Variants in PLEKHA3 observed in about 807,000 individuals in gnomAD.
PLEKHA3 encodes pleckstrin homology domain containing A3, also known as pleckstrin homology domain-containing family A member 3.
PLEKHA3 carries 19 observed loss-of-function variants against 39.2 expected under a neutral mutation model. The observed-to-expected ratio is 0.48, with a 90% CI of 0.34 to 0.71. The LOEUF is 0.71. PLEKHA3 is among the 30% of genes least tolerant of loss of function. The pLI is 0.01. For synonymous variants in PLEKHA3, 97 were observed against 118.6 expected (o/e 0.82, Z 1.18); for missense variants, 253 against 359.5 (o/e 0.70, Z 2.40).
intron 2 of PLEKHA3, among the ~76,000 whole-genome samples, chr2:178,486,047 T>C (rs1488912610): frequency 6.6e-6 from 1 of 152,240 alleles, no homozygotes; most frequent in Non-Finnish European, 1.5e-5. Context: ...CCACCTTCAG[T>C]CTATAAGCAT....
chr2:178,492,569 A>C (rs921431917), intron 3 of PLEKHA3, among the ~76,000 whole-genome samples: 6 of 151,758 alleles, frequency 4.0e-5, no homozygotes, highest in African/African-American at 1.5e-4. Context: ...ACATGTATAC[A>C]TATGTAACTA....
chr2:178,486,778 G>A (rs1271954773), intron 2 of PLEKHA3, among the ~76,000 whole-genome samples: 1 of 152,106 alleles, frequency 6.6e-6, no homozygotes, highest in African/African-American at 2.4e-5. Flanking sequence ...AGTACTGAAG[G>A]ATTTTTGGGT....
rs931822145 is a variant in PLEKHA3 at position 178,514,559 on chromosome 2, A to G, written c.*10672A>G. ...AACATAGCCTGTCATGTCTTTATTTAGGCTAAGTGCATATGTATGTATAAG... is the reference window on the plus strand; with the variant it reads ...AACATAGCCTGTCATGTCTTTATTTGGGCTAAGTGCATATGTATGTATAAG... On this transcript the variant is annotated 3_prime_UTR_variant, in exon 8 of 8. Transcript: ENST00000234453. 2.6e-5 allele frequency: 4 copies of G among 152,142 alleles called. No individual in the cohort carries two copies. The highest frequency in any genetic ancestry group is 9.7e-5 in the African/African-American group (4 of 41,438). 9.4% of individuals were successfully genotyped at this position (152,142 alleles called of 1,614,324 possible).
At chr2:178,492,850 G>A (rs965799743) in intron 3 of PLEKHA3, among the ~76,000 whole-genome samples, 1 of 152,118 alleles carries the variant, frequency 6.6e-6, no homozygotes, top group African/African-American at 2.4e-5. Context: ...TTACAAATAC[G>A]AATGTACTTA....
chr2:178,495,527 C>T lies in PLEKHA3; in HGVS notation c.482C>T (p.Ala161Val), dbSNP rs138357096. The T allele has an allele frequency of 6.2e-7, 1 of 1,613,918 alleles. No individual in the cohort carries two copies. The highest frequency in any genetic ancestry group is 1.3e-5 in the African/African-American group (1 of 75,006). ...AATGAAGCCTCTTCTCTGCTTAGTG[C>T]CACGTGTAACACATTCATCACAACG... ...NMNEASSLLS[A>V]TCNTFITTLE... is the part of the protein sequence containing the mutation. The change falls in exon 5 of 8, where the codon GCC becomes GTC. Residue 161 changes from alanine (A) to valine (V), a missense_variant. Ala to Val is a moderately conservative substitution (Grantham distance 64). Coordinates refer to ENST00000234453, the MANE Select transcript of PLEKHA3 (RefSeq NM_019091.4).
rs1371178939 is a variant in PLEKHA3 at position 178,503,902 on chromosome 2, C to A, written c.*15C>A. ...TCTCTTCCTGAAGAAACTGAAGTGT[C>A]CAACTTCCTCTAAGTATTGCTATGC... On this transcript the variant is annotated 3_prime_UTR_variant, in exon 8 of 8. Coordinates refer to ENST00000234453, the MANE Select transcript of PLEKHA3 (RefSeq NM_019091.4). The A allele has an allele frequency of 6.2e-7, 1 of 1,610,240 alleles. No homozygotes were observed. Among genetic ancestry groups the A allele is most frequent in the Non-Finnish European group, 8.5e-7 (1 of 1,177,300 alleles).
rs1479834640 is a variant in PLEKHA3, at chr2:178,515,595, G to T, written c.*11708G>T. 6.6e-6 allele frequency: 1 copy of T among 151,996 alleles called. No homozygotes were observed. The highest frequency in any genetic ancestry group is 1.5e-5 in the Non-Finnish European group (1 of 67,972). 9.4% of individuals were successfully genotyped at this position (151,996 alleles called of 1,614,324 possible). The stretch of plus-strand genomic sequence containing the variant: ...GGGGTCTGTTAACCATTTAATTTAG[G>T]ATTGTTTATACATTTATTTACCTCT... On this transcript the variant is annotated 3_prime_UTR_variant, in exon 8 of 8. Coordinates refer to ENST00000234453, the MANE Select transcript of PLEKHA3 (RefSeq NM_019091.4).
At chr2:178,483,211 A>G (rs1685200082) in intron 1 of PLEKHA3, among the ~76,000 whole-genome samples, 1 of 152,102 alleles carries the variant, frequency 6.6e-6, no homozygotes, top group East Asian at 1.9e-4. Flanking sequence ...GTGAGCCCAC[A>G]TTGTACCACT....
Position 178,501,084 on chromosome 2 carries a change from C to T in PLEKHA3, c.683C>T (p.Pro228Leu). The change falls in exon 7 of 8, where the codon CCA (proline) becomes CTA (leucine). Residue 228 changes from proline to leucine, a missense_variant. Pro to Leu is a moderately conservative substitution (Grantham distance 98). This residue lies in a region of PLEKHA3 where 127 missense variants were observed against 136.8 expected (regional missense o/e 0.93). Coordinates refer to ENST00000234453, the MANE Select transcript of PLEKHA3 (RefSeq NM_019091.4). ...AGGAGTAGCCACTCTATAAAAGAAC[C>T]AGTATCTACACTTCACCGACTCTCC... ...SERSSHSIKE[P>L]VSTLHRLSQR... is the part of the protein sequence containing the mutation. The T allele has an allele frequency of 6.2e-7, 1 of 1,612,728 alleles. No individual in the cohort carries two copies. Among genetic ancestry groups the T allele is most frequent in the South Asian group, 1.1e-5 (1 of 90,956 alleles).
At chr2:178,488,126 A>G (rs756068536) in intron 2 of PLEKHA3, among the ~76,000 whole-genome samples, 12 of 152,116 alleles carry the variant, frequency 7.9e-5, no homozygotes, top group Non-Finnish European at 1.6e-4. Context: ...AGGAAAAAAA[A>G]AAAGGGTTGA....
intron 1 of PLEKHA3, among the ~76,000 whole-genome samples, chr2:178,482,494 A>G (rs952337584): frequency 2.0e-5 from 3 of 150,090 alleles, no homozygotes; most frequent in African/African-American, 7.4e-5. Context: ...AGCTAGGATC[A>G]GTGAGCTATG....
intron 4 of PLEKHA3, among the ~76,000 whole-genome samples, chr2:178,494,671 C>T (rs1192221993): frequency 6.6e-6 from 1 of 152,132 alleles, no homozygotes; most frequent in Non-Finnish European, 1.5e-5. Flanking sequence ...CTCACACTTG[C>T]TACAGCAGCT....
At chr2:178,502,807 C>T (rs1439308042) in intron 7 of PLEKHA3, among the ~76,000 whole-genome samples, 1 of 103,050 alleles carries the variant, frequency 9.7e-6, no homozygotes, top group Non-Finnish European at 1.9e-5. Context: ...CACACACACA[C>T]GCACGCACAC....
chr2:178,491,079 C>G (rs1017046956), intron 3 of PLEKHA3, among the ~76,000 whole-genome samples: 1 of 146,468 alleles, frequency 6.8e-6, no homozygotes, highest in Admixed American at 7.0e-5. Context: ...GGCGCGATCT[C>G]GGCTTACTGC....
chr2:178,510,753 T>A lies in PLEKHA3; in HGVS notation c.*6866T>A. ...TTTCATTCTTTATGGTAAATTCCCA[T>A]CACTGTATCCATAACCTCTTGTAAA... On this transcript the variant is annotated 3_prime_UTR_variant, in exon 8 of 8. Coordinates refer to ENST00000234453, the MANE Select transcript of PLEKHA3 (RefSeq NM_019091.4). 1.3e-5 allele frequency: 2 copies of A among 153,092 alleles called. No individual in the cohort carries two copies. 9.5% of individuals were successfully genotyped at this position (153,092 alleles called of 1,614,324 possible).
chr2:178,490,718 A>G lies in PLEKHA3; in HGVS notation c.217A>G (p.Met73Val). 7 of 1,613,954 alleles carry G rather than the reference A, an allele frequency of 4.3e-6. No individual in the cohort carries two copies. The highest frequency in any genetic ancestry group is 5.9e-6 in the Non-Finnish European group (7 of 1,179,782). ...LIIPGEQHFY[M>V]KAVNAAERQR... Reference sequence around the variant, plus strand: ...CATTCCTGGAGAGCAGCATTTCTACATGAAGGCAGTGAATGCAGCTGAAAG... The same window carrying G: ...CATTCCTGGAGAGCAGCATTTCTACGTGAAGGCAGTGAATGCAGCTGAAAG... Residue 73 changes from methionine to valine, a missense_variant, in exon 3 of 8, where the codon ATG (methionine) becomes GTG (valine). Around this residue, in one of 2 missense-constraint regions of PLEKHA3, gnomAD observed 126 missense variants for 222.7 expected, o/e 0.57. Transcript: ENST00000234453.
intron 2 of PLEKHA3, chr2:178,489,160 G>A: frequency 3.6e-6 from 1 of 277,488 alleles, no homozygotes; most frequent in South Asian, 3.5e-5. Flanking sequence ...TATAGCTTTA[G>A]GAGTTCAGTA....
chr2:178,508,271 A>T lies in PLEKHA3; in HGVS notation c.*4384A>T, dbSNP rs1685634594. 6.6e-6 allele frequency: 1 copy of T among 151,078 alleles called. No individual in the cohort carries two copies. The allele number at this position is 151,078 out of a possible 1,614,324, so 9.4% of individuals were successfully genotyped here. On this transcript the variant is annotated 3_prime_UTR_variant, in exon 8 of 8. Transcript: ENST00000234453. ...TGTTATCCTCCAGCTCTTCTGTTGA[A>T]TTTTCTTTATATATATATTTTAATT... is the stretch of plus-strand genomic sequence containing the variant.
chr2:178,501,487 G>T (rs1439627712), intron 7 of PLEKHA3, among the ~76,000 whole-genome samples: 1 of 151,952 alleles, frequency 6.6e-6, no homozygotes, highest in Non-Finnish European at 1.5e-5. Flanking sequence ...GGCATGAATT[G>T]TTAGCAGGAT....
Sources: allele counts gnomAD v4.1 joint callset (sites outside exome capture counted in the v4.1 genomes callset), GRCh38; gene constraint gnomAD v4.1.1; regional missense constraint gnomAD v4.1.1; transcripts MANE v1.5; gene names NCBI Gene and HGNC (gene_info 2026-07-23, HGNC 2026-07-21).